The following NLK variants were observed in gnomAD, a reference collection of about 807,000 sequenced individuals.
NLK encodes nemo like kinase.
A neutral mutation model predicts 59.0 loss-of-function variants in NLK; 11 were observed. The observed-to-expected ratio is 0.19, with a 90% CI of 0.12 to 0.31. The LOEUF (loss-of-function observed/expected upper bound fraction) is 0.31. Among genes scored for constraint, NLK ranks in the 10% least tolerant of loss-of-function variants. The probability of loss-of-function intolerance (pLI) is 1.00; values close to 1 mark genes in which losing one functional copy is unlikely to be tolerated. For missense variants in NLK, 410 were observed against 661.1 expected (o/e 0.62, Z 4.16); for synonymous variants, 235 against 235.9 (o/e 1.00, Z 0.03).
intron 1 of NLK, among the ~76,000 whole-genome samples, chr17:28,120,595 G>A (rs1377095465): frequency 6.6e-6 from 1 of 152,134 alleles, no homozygotes; most frequent in Non-Finnish European, 1.5e-5. Context: ...CAGCCTGGGT[G>A]ACAGTGAGAT....
chr17:28,061,384 G>A (rs1371750110), intron 1 of NLK, among the ~76,000 whole-genome samples: 1 of 152,150 alleles, frequency 6.6e-6, no homozygotes, highest in Non-Finnish European at 1.5e-5. Context: ...ATTCAACAGT[G>A]CTAGTGACAA....
At chr17:28,149,802 C>T (rs2142037558) in intron 3 of NLK, among the ~76,000 whole-genome samples, 1 of 152,300 alleles carries the variant, frequency 6.6e-6, no homozygotes, top group East Asian at 1.9e-4. Context: ...GTCTTGTACA[C>T]CACTGCATTT....
chr17:28,043,783 G>A (rs943916436), intron 1 of NLK, among the ~76,000 whole-genome samples: 3 of 152,262 alleles, frequency 2.0e-5, no homozygotes, highest in African/African-American at 7.2e-5. Context: ...TGTCCTTTCT[G>A]TCTTTTCACT....
At chr17:28,193,341 G>A (rs950271399) in intron 10 of NLK, among the ~76,000 whole-genome samples, 1 of 152,180 alleles carries the variant, frequency 6.6e-6, no homozygotes, top group Non-Finnish European at 1.5e-5. Context: ...GCACGAGGGT[G>A]GTGCAGAAGA....
At chr17:28,050,463 A>G (rs989033693) in intron 1 of NLK, among the ~76,000 whole-genome samples, 2 of 152,222 alleles carry the variant, frequency 1.3e-5, no homozygotes, top group African/African-American at 2.4e-5. Context: ...GTTAAATAGC[A>G]TATCTGTGGT....
intron 3 of NLK, among the ~76,000 whole-genome samples, chr17:28,136,353 A>G (rs1457740038): frequency 1.3e-5 from 2 of 152,164 alleles, no homozygotes; most frequent in Non-Finnish European, 2.9e-5. Context: ...AAAGGTAAGC[A>G]TTTTCCAATA....
In NLK at chr17:28,161,160, A is replaced by C. The variant is rs561707284; in HGVS notation, c.645A>C (p.Ile215=). 1.9e-6 allele frequency: 3 copies of C among 1,571,582 alleles called. No homozygotes were observed. The highest frequency in any genetic ancestry group is 1.8e-6 in the Non-Finnish European group (2 of 1,141,332). The change falls in exon 4 of 11, where the codon ATA becomes ATC. Residue 215 remains isoleucine, a splice_region_variant and synonymous_variant. Transcript: ENST00000407008. ...QPPHIDYFEE[I]YVVTELMQSD... ...ACTCTCCTTAACTTAAAACTTCAAGATATGTTGTCACAGAATTGATGCAGA... is the reference window on the plus strand; with the variant it reads ...ACTCTCCTTAACTTAAAACTTCAAGCTATGTTGTCACAGAATTGATGCAGA...
At chr17:28,077,073 CTTTTTTTTTTTTTTTT>C (rs35639099) in intron 1 of NLK, among the ~76,000 whole-genome samples, 3 of 42,488 alleles carry the variant, frequency 7.1e-5, no homozygotes, top group Admixed American at 2.7e-4. Flanking sequence ...CTCTTTCTTT[CTTTTTTTTTTTTTTTT>C]TTTTTTTTTG....
intron 8 of NLK, among the ~76,000 whole-genome samples, chr17:28,189,200 A>G (rs1215841506): frequency 6.6e-6 from 1 of 152,104 alleles, no homozygotes; most frequent in African/African-American, 2.4e-5. Context: ...AGATTCCCCC[A>G]TGCAAATGTG....
chr17:28,168,705 A>C, intron 6 of NLK, 48 bp downstream of exon 6: 1 of 1,449,112 alleles, frequency 6.9e-7, no homozygotes, highest in Non-Finnish European at 9.7e-7. Context: ...TGCAGATTTG[A>C]AGGAAAATCC....
intron 2 of NLK, among the ~76,000 whole-genome samples, chr17:28,130,273 C>T (rs1279617840): frequency 6.6e-6 from 1 of 152,092 alleles, no homozygotes; most frequent in African/African-American, 2.4e-5. Context: ...TGCCACTATA[C>T]CTTCTCACTT....
chr17:28,092,299 C>T (rs749348766), intron 1 of NLK, among the ~76,000 whole-genome samples: 21 of 151,518 alleles, frequency 1.4e-4, no homozygotes, highest in Non-Finnish European at 2.9e-5. Flanking sequence ...GTAAGGAAAG[C>T]CTACTCAGCA....
chr17:28,095,179 A>T (rs994857218), intron 1 of NLK, among the ~76,000 whole-genome samples: 1 of 152,142 alleles, frequency 6.6e-6, no homozygotes, highest in African/African-American at 2.4e-5. Context: ...TGAGTTATAC[A>T]TGGTGCTAGC....
chr17:28,139,754 A>T (rs960340891), intron 3 of NLK, among the ~76,000 whole-genome samples: 1 of 152,234 alleles, frequency 6.6e-6, no homozygotes, highest in African/African-American at 2.4e-5. Context: ...ACTTAGAAAT[A>T]ACAGAGCTGT....
intron 1 of NLK, among the ~76,000 whole-genome samples, chr17:28,095,689 A>G (rs1904677162): frequency 6.6e-6 from 1 of 152,184 alleles, no homozygotes; most frequent in Non-Finnish European, 1.5e-5. Flanking sequence ...TAAGCAACCC[A>G]CTTGCCCCTT....
chr17:28,132,617 C>CA lies in NLK; in HGVS notation c.589-2dup. 1.9e-6 allele frequency: 3 copies of CA among 1,603,890 alleles called. No homozygotes were observed. Among genetic ancestry groups the CA allele is most frequent in the Non-Finnish European group, 2.6e-6 (3 of 1,174,512 alleles). On this transcript the variant is annotated splice_region_variant and splice_polypyrimidine_tract_variant and intron_variant, in intron 2 of 10. Transcript: ENST00000407008. ...AATTTGACTTTTTTTTTCCTTTTCT[C>CA]AGGTACTCTCTGCCCTTGACATACT... is the stretch of plus-strand genomic sequence containing the variant.
At chr17:28,179,359 A>G (rs909455671) in intron 7 of NLK, among the ~76,000 whole-genome samples, 1 of 152,102 alleles carries the variant, frequency 6.6e-6, no homozygotes, top group African/African-American at 2.4e-5. Flanking sequence ...CCTCTCGAAT[A>G]ACTGGGACTA....
At chr17:28,184,041 T>A (rs1238535607) in intron 7 of NLK, among the ~76,000 whole-genome samples, 1 of 152,226 alleles carries the variant, frequency 6.6e-6, no homozygotes, top group Non-Finnish European at 1.5e-5. Context: ...CTTTATAAGC[T>A]CTATGGCTTC....
intron 3 of NLK, among the ~76,000 whole-genome samples, chr17:28,158,767 G>T (rs771464070): frequency 2.4e-4 from 36 of 152,130 alleles, no homozygotes; most frequent in Non-Finnish European, 4.4e-4. Flanking sequence ...ATAACTGCTA[G>T]GACTACAGGC....
Sources: gnomAD v4.1 joint callset for allele counts (sites outside exome capture counted in the v4.1 genomes callset) on GRCh38, gnomAD v4.1.1 for gene constraint, MANE v1.5 for transcripts, NCBI Gene and HGNC (gene_info 2026-07-23, HGNC 2026-07-21) for gene names.